The following PATJ variants were observed in gnomAD, a reference collection of about 807,000 sequenced individuals.
PATJ encodes inaD-like protein.
A neutral mutation model predicts 224.9 loss-of-function variants in PATJ; 190 were observed. The observed-to-expected ratio is 0.84, with a 90% CI of 0.75 to 0.95. PATJ has a LOEUF of 0.95. PATJ is among the 40% of genes least tolerant of loss of function. The pLI is 0.00. For synonymous variants in PATJ, 769 were observed against 820.3 expected (o/e 0.94, Z 1.07); for missense variants, 2,121 against 2,270.3 (o/e 0.93, Z 1.34).
chr1:61,907,359 T>A (rs985592958), intron 24 of PATJ, among the ~76,000 whole-genome samples: 9 of 152,210 alleles, frequency 5.9e-5, no homozygotes, highest in Non-Finnish European at 1.0e-4. Flanking sequence ...GAACTTCCCC[T>A]GCTTCCAGTG....
chr1:62,145,266 A>G (rs1250765292), intron 41 of PATJ, among the ~76,000 whole-genome samples: 1 of 152,248 alleles, frequency 6.6e-6, no homozygotes, highest in East Asian at 1.9e-4. Context: ...GAGTGAACAA[A>G]GCAGACAAAC....
chr1:61,757,756 A>C (rs1042944048), intron 1 of PATJ, among the ~76,000 whole-genome samples: 10 of 152,186 alleles, frequency 6.6e-5, no homozygotes, highest in African/African-American at 2.4e-4. Flanking sequence ...TTAATTTTTA[A>C]ATCTCTCCAT....
intron 28 of PATJ, among the ~76,000 whole-genome samples, chr1:62,000,008 C>T (rs1294608000): frequency 3.3e-5 from 5 of 151,968 alleles, no homozygotes; most frequent in Non-Finnish European, 7.4e-5. Context: ...AGCCTCTCAG[C>T]CTCCTGAGTA....
chr1:61,991,796 G>A, intron 28 of PATJ: 2 of 949,474 alleles, frequency 2.1e-6, no homozygotes, highest in South Asian at 4.9e-5. Context: ...GCCTCAGTTT[G>A]TTTCCTTTGG....
Position 62,126,476 on chromosome 1 carries a change from C to A in PATJ, c.5044-1496C>A, listed in dbSNP as rs551359527. On this transcript the variant is annotated intron_variant, in intron 39 of 43. Coordinates refer to ENST00000642238, the MANE Select transcript of PATJ (RefSeq NM_001350145.3). ...AACCAGCAGGAGAGATACGCTGTCA[C>A]GTGCCTGTGCTGCCATGCCAGAACT... Among the ~76,000 whole-genome samples the A allele has an allele frequency of 2.0e-5, 3 of 152,328 alleles. No individual in the cohort carries two copies. In the East Asian group the frequency reaches 5.8e-4, roughly 29 times the overall value.
At chr1:62,146,429 G>A (rs1668043858) in intron 41 of PATJ, among the ~76,000 whole-genome samples, 1 of 152,202 alleles carries the variant, frequency 6.6e-6, no homozygotes, top group African/African-American at 2.4e-5. Flanking sequence ...TATGGATGGA[G>A]GGGCTGAAGC....
chr1:61,804,562 A>G (rs1653151517), intron 12 of PATJ, among the ~76,000 whole-genome samples: 1 of 152,204 alleles, frequency 6.6e-6, no homozygotes, highest in Non-Finnish European at 1.5e-5. Context: ...TGACTTGTTT[A>G]ATCTTAAGAC....
intron 41 of PATJ, among the ~76,000 whole-genome samples, chr1:62,141,709 TTTTGGGAGGCCAGCAC>T (rs1346690064): frequency 2.1e-5 from 3 of 142,500 alleles, no homozygotes; most frequent in African/African-American, 7.9e-5. Context: ...CACGCCCGTA[TTTTGGGAGGCCAGCAC>T]TTTGGGAGGC....
At chr1:61,979,430 A>G (rs944708) in intron 27 of PATJ, among the ~76,000 whole-genome samples, 131,947 of 151,994 alleles carry the variant, frequency 0.87, 57,544 homozygotes, top group African/African-American at 0.92. Context: ...CAAGGTGGGC[A>G]GATCACGAGG....
In PATJ at chr1:61,766,275, A is replaced by G. The variant is rs755454550; in HGVS notation, c.190-4A>G. ...TGTTGATTCTTTTTTTTTCTCTCCA[A>G]CAGCTCAACCATATACCCTCAGATT... On this transcript the variant is annotated splice_polypyrimidine_tract_variant and splice_region_variant and intron_variant, in intron 3 of 43. Transcript: ENST00000642238. The G allele has an allele frequency of 7.0e-6, 11 of 1,563,820 alleles. No individual in the cohort carries two copies. The highest frequency in any genetic ancestry group is 1.7e-4 in the Middle Eastern group (1 of 5,922).
chr1:62,004,021 T>G (rs1053933582), intron 28 of PATJ, among the ~76,000 whole-genome samples: 1 of 152,156 alleles, frequency 6.6e-6, no homozygotes, highest in Non-Finnish European at 1.5e-5. Context: ...GCCACTCACT[T>G]CCCCTGTGCC....
intron 43 of PATJ, among the ~76,000 whole-genome samples, chr1:62,157,481 A>G (rs1277665105): frequency 6.7e-6 from 1 of 149,064 alleles, no homozygotes; most frequent in Admixed American, 7.0e-5. Flanking sequence ...AGTCAATATG[A>G]CTAATAGGCT....
intron 17 of PATJ, among the ~76,000 whole-genome samples, chr1:61,840,439 C>G (rs1264675732): frequency 6.6e-6 from 1 of 151,880 alleles, no homozygotes. Context: ...TTTTTCTTGT[C>G]CATCCTTCCA....
In PATJ at chr1:61,856,091, C is replaced by T. The variant is rs1663613725; in HGVS notation, c.2174C>T (p.Ala725Val). 6.2e-7 allele frequency: 1 copy of T among 1,613,964 alleles called. No individual in the cohort carries two copies. Among genetic ancestry groups the T allele is most frequent in the African/African-American group, 1.3e-5 (1 of 74,912 alleles). ...CGCTCCCTGGTAGCAGATGGTGTAG[C>T]AGAAAGAAGTGGGGGACTATTACCT... ...VIRSLVADGV[A>V]ERSGGLLPGD... Residue 725 changes from alanine to valine, a missense_variant, in exon 18 of 44, where the codon GCA (alanine) becomes GTA (valine). Transcript: ENST00000642238.
chr1:62,126,469 G>A (rs149133065), intron 39 of PATJ, among the ~76,000 whole-genome samples: 24 of 152,280 alleles, frequency 1.6e-4, no homozygotes, highest in South Asian at 8.3e-4. Flanking sequence ...GGAGAGATAC[G>A]CTGTCACGTG....
At chr1:62,030,117 T>C (rs1341668667) in intron 29 of PATJ, among the ~76,000 whole-genome samples, 2 of 152,090 alleles carry the variant, frequency 1.3e-5, no homozygotes, top group Admixed American at 6.6e-5. Context: ...AACTGTGGGA[T>C]TAAAAGAAAA....
chr1:62,049,776 C>G (rs1411945095), intron 30 of PATJ, among the ~76,000 whole-genome samples: 1 of 152,092 alleles, frequency 6.6e-6, no homozygotes, highest in Admixed American at 6.6e-5. Flanking sequence ...CGAAAGAAAA[C>G]AAGTACTCAG....
At chr1:61,915,184 A>T (rs1673275561) in intron 26 of PATJ, among the ~76,000 whole-genome samples, 1 of 152,294 alleles carries the variant, frequency 6.6e-6, no homozygotes, top group South Asian at 2.1e-4. Flanking sequence ...TCAAGTAGGG[A>T]TGAATTTTCA....
chr1:62,006,096 T>C (rs2149637986), intron 28 of PATJ, among the ~76,000 whole-genome samples: 1 of 150,684 alleles, frequency 6.6e-6, no homozygotes, highest in South Asian at 2.1e-4. Flanking sequence ...ACATTTCTTT[T>C]CTTTTTTTGT....
Sources: gnomAD v4.1 joint callset for allele counts (sites outside exome capture counted in the v4.1 genomes callset) on GRCh38, gnomAD v4.1.1 for gene constraint, MANE v1.5 for transcripts, NCBI Gene and HGNC (gene_info 2026-07-23, HGNC 2026-07-21) for gene names.